Variants in FAM47E observed in about 807,000 individuals in gnomAD.
FAM47E encodes protein FAM47E.
Under a neutral mutation model 41.6 loss-of-function variants are expected in FAM47E, and 32 were observed. The observed-to-expected ratio is 0.77, with a 90% confidence interval of 0.58 to 1.03. The LOEUF (loss-of-function observed/expected upper bound fraction) is 1.03, where lower values mean the gene tolerates loss of function less well. Ranked by LOEUF, FAM47E falls within the 50% of genes least tolerant of loss-of-function variation. FAM47E has a pLI of 0.00. For synonymous variants in FAM47E, 184 were observed against 188.7 expected (o/e 0.98, Z 0.20); for missense variants, 424 against 485.4 (o/e 0.87, Z 1.19).
In FAM47E at chr4:76,228,478, T is replaced by TA. The variant is rs906897366; in HGVS notation, c.81+10803dup. On this transcript the variant is annotated intron_variant, in intron 2 of 7. Coordinates refer to the FAM47E transcript ENST00000510197. ...TGGGCGATGGAGTAAGCCTCCATCT[T>TA]AAAAAAAAAAAAAGAAAGAAAGAAA... Among the ~76,000 whole-genome samples, 235 of 140,778 alleles carry TA rather than the reference T, an allele frequency of 1.7e-3. 2 individuals are homozygous for TA. The highest frequency in any genetic ancestry group is 5.1e-3 in the East Asian group (25 of 4,942). 92.4% of individuals were successfully genotyped at this position (140,778 alleles called of 152,430 possible).
chr4:76,265,264 T>C (rs1040313600), intron 3 of FAM47E, among the ~76,000 whole-genome samples: 3 of 152,184 alleles, frequency 2.0e-5, no homozygotes, highest in African/African-American at 7.2e-5. Context: ...GGAAGCACAA[T>C]TTCTCCTTGC....
rs146584718 is a variant in FAM47E at position 76,274,649 on chromosome 4, A to C, written c.870+2881A>C. Among the ~76,000 whole-genome samples the C allele has an allele frequency of 3.1e-3, 474 of 152,198 alleles. 4 individuals are homozygous for C. The highest frequency in any genetic ancestry group is 0.011 in the African/African-American group (442 of 41,524). On this transcript the variant is annotated intron_variant, in intron 5 of 7. Coordinates refer to ENST00000424749, the MANE Select transcript of FAM47E (RefSeq NM_001136570.3). The stretch of plus-strand genomic sequence containing the variant: ...AATTATTCCCTGCTATTGAGGCAAG[A>C]CCCTTCTGTGTGTTCTGCCTAGTGT...
intron 2 of FAM47E, among the ~76,000 whole-genome samples, chr4:76,220,958 C>T (rs1733295876): frequency 6.6e-6 from 1 of 152,162 alleles, no homozygotes; most frequent in African/African-American, 2.4e-5. Context: ...CTGGGGATGG[C>T]AGCTTCCTCC....
chr4:76,270,628 C>T (rs1014209917), intron 4 of FAM47E, among the ~76,000 whole-genome samples: 3 of 152,054 alleles, frequency 2.0e-5, no homozygotes, highest in African/African-American at 7.2e-5. Context: ...CTGCTGGAGG[C>T]GATTCGTCTC....
intron 2 of FAM47E, among the ~76,000 whole-genome samples, chr4:76,222,862 C>T (rs1045884693): frequency 2.6e-5 from 4 of 152,146 alleles, no homozygotes; most frequent in African/African-American, 9.7e-5. Flanking sequence ...CCCAGCTGAG[C>T]GCCTAGTTTA....
chr4:76,278,234 T>C lies in FAM47E; in HGVS notation c.1026+10T>C, dbSNP rs1735209774. The C allele has an allele frequency of 6.6e-7, 1 of 1,515,976 alleles. No homozygotes were observed. The highest frequency in any genetic ancestry group is 8.8e-7 in the Non-Finnish European group (1 of 1,134,598). 93.9% of individuals were successfully genotyped at this position (1,515,976 alleles called of 1,614,324 possible). ...GGAGCTGCAGGAACAGGTATGTATT[T>C]ATACTGAGATTTGATCATCTGAGCT... On this transcript the variant is annotated intron_variant, in intron 6 of 7. Coordinates refer to ENST00000424749, the MANE Select transcript of FAM47E (RefSeq NM_001136570.3).
At chr4:76,258,288 T>C (rs1481691431) in intron 2 of FAM47E, among the ~76,000 whole-genome samples, 1 of 152,198 alleles carries the variant, frequency 6.6e-6, no homozygotes, top group East Asian at 1.9e-4. Context: ...AAAACTTCCA[T>C]AGCCTAATTA....
At chr4:76,247,993 C>CA (rs1336342457), upstream of FAM47E, among the ~76,000 whole-genome samples, 2 of 143,492 alleles carry the variant, frequency 1.4e-5, no homozygotes, top group African/African-American at 2.6e-5. Flanking sequence ...CGGCTCACTG[C>CA]AAGCTCCACC....
At chr4:76,244,480 C>A (rs1330125572) in intron 2 of FAM47E, among the ~76,000 whole-genome samples, 1 of 149,116 alleles carries the variant, frequency 6.7e-6, no homozygotes, top group African/African-American at 2.5e-5. Flanking sequence ...ATTTGCATTT[C>A]TCTAATGACC....
intron 6 of FAM47E, chr4:76,278,504 T>G (rs1343487647): frequency 4.9e-6 from 2 of 405,868 alleles, no homozygotes; most frequent in Middle Eastern, 1.2e-3. Flanking sequence ...ATTCCAAGGA[T>G]AATTGTTCAA....
Position 76,283,684 on chromosome 4 carries a change from A to G in FAM47E, c.*226A>G. 2.4e-6 allele frequency: 1 copy of G among 414,280 alleles called. No individual in the cohort carries two copies. Among genetic ancestry groups the G allele is most frequent in the East Asian group, 3.8e-5 (1 of 26,074 alleles). The allele number at this position is 414,280 out of a possible 1,614,324, so 25.7% of individuals were successfully genotyped here. A position where few individuals can be genotyped will look rare whatever the true frequency, so the allele number is the denominator to read the frequency against. On this transcript the variant is annotated 3_prime_UTR_variant, in exon 8 of 8. Coordinates refer to ENST00000424749, the MANE Select transcript of FAM47E (RefSeq NM_001136570.3). ...TGTATACTTTATCACCCATGAGATC[A>G]ATATTCACATGTAATCTTCTCATAT...
intron 2 of FAM47E, among the ~76,000 whole-genome samples, chr4:76,235,512 A>T (rs1733571895): frequency 6.6e-6 from 1 of 152,154 alleles, no homozygotes; most frequent in South Asian, 2.1e-4. Flanking sequence ...GGGAGGTAGG[A>T]ATTATTATCC....
chr4:76,239,241 G>A (rs377451371), intron 2 of FAM47E, among the ~76,000 whole-genome samples: 1 of 152,084 alleles, frequency 6.6e-6, no homozygotes. Context: ...CACTTCTTTT[G>A]TGTATATATT....
At chr4:76,233,276 C>T (rs1234385697) in intron 2 of FAM47E, among the ~76,000 whole-genome samples, 5 of 146,936 alleles carry the variant, frequency 3.4e-5, no homozygotes, top group African/African-American at 1.2e-4. Context: ...TTCCATGTGT[C>T]CCCAGGCCTT....
intron 1 of FAM47E, among the ~76,000 whole-genome samples, chr4:76,252,513 G>A (rs1734014150): frequency 1.3e-5 from 2 of 152,286 alleles, no homozygotes; most frequent in South Asian, 4.1e-4. Context: ...CCTTAGGCAA[G>A]TTGGTTGCTC....
Position 76,240,030 on chromosome 4 carries a change from T to A in FAM47E, c.81+22342T>A, listed in dbSNP as rs72858564. On this transcript the variant is annotated intron_variant, in intron 2 of 7. Coordinates refer to the FAM47E transcript ENST00000510197. ...TAGCACCCTTGTGCTAAGAGGGTTT[T>A]TTTCTGGACTGTGTTCTATTCCATT... 9.5e-3 allele frequency among the ~76,000 whole-genome samples: 1,451 copies of A among 152,316 alleles called. 25 individuals carry two copies. The highest frequency in any genetic ancestry group is 0.033 in the African/African-American group (1,376 of 41,572).
At chr4:76,230,732 T>C (rs1733478331) in intron 2 of FAM47E, among the ~76,000 whole-genome samples, 1 of 152,080 alleles carries the variant, frequency 6.6e-6, no homozygotes, top group Admixed American at 6.6e-5. Context: ...ACCATAGGTG[T>C]TAAAATGACT....
chr4:76,266,187 GGCCGCTCTTTACCTTCTA>G (rs1734626344), intron 3 of FAM47E, among the ~76,000 whole-genome samples: 1 of 152,052 alleles, frequency 6.6e-6, no homozygotes, highest in Non-Finnish European at 1.5e-5. Flanking sequence ...ATCTTTTACT[GGCCGCTCTTTACCTTCTA>G]GCCTTGAAGT....
intron 2 of FAM47E, among the ~76,000 whole-genome samples, chr4:76,263,145 CA>C (rs1405888430): frequency 2.6e-5 from 4 of 152,178 alleles, no homozygotes; most frequent in Non-Finnish European, 4.4e-5. Flanking sequence ...AATTATAAAG[CA>C]GAGTGCACAC....
Sources: allele counts gnomAD v4.1 joint callset (sites outside exome capture counted in the v4.1 genomes callset), GRCh38; gene constraint gnomAD v4.1.1; transcripts MANE v1.5; gene names NCBI Gene and HGNC (gene_info 2026-07-23, HGNC 2026-07-21).